CREB5: variants seen among roughly 807,000 people sequenced by gnomAD.
The protein encoded by CREB5 is cAMP responsive element binding protein 5.
In CREB5, 19 loss-of-function variants were observed where a neutral mutation model predicts 57.1. The observed-to-expected ratio is 0.33, with a 90% CI of 0.23 to 0.49. The LOEUF (loss-of-function observed/expected upper bound fraction) is 0.49. Among genes scored for constraint, CREB5 ranks in the 20% least tolerant of loss-of-function variants. The probability of loss-of-function intolerance (pLI) is 0.99; values close to 1 mark genes in which losing one functional copy is unlikely to be tolerated. For synonymous variants in CREB5, 238 were observed against 238.3 expected, an observed-to-expected ratio of 1.00 and a Z score of 0.01; for missense variants, 579 against 671.6, an observed-to-expected ratio of 0.86 and a Z score of 1.52.
intron 9 of CREB5, among the ~76,000 whole-genome samples, chr7:28,816,139 C>G (rs1399286343): frequency 6.6e-6 from 1 of 151,210 alleles, no homozygotes; most frequent in Non-Finnish European, 1.5e-5. Flanking sequence ...TTTTTTTAAC[C>G]AGAGATTGCC....
chr7:28,774,791 G>A (rs1165749575), intron 7 of CREB5, among the ~76,000 whole-genome samples: 1 of 152,208 alleles, frequency 6.6e-6, no homozygotes, highest in African/African-American at 2.4e-5. Context: ...CACTGCGACA[G>A]TATGAGTTGT....
intron 7 of CREB5, among the ~76,000 whole-genome samples, chr7:28,796,975 A>T (rs2299120): frequency 6.6e-6 from 1 of 152,084 alleles, no homozygotes; most frequent in Non-Finnish European, 1.5e-5. Context: ...CACTGAGTCC[A>T]AGAGACGCAG....
At chr7:28,674,442 G>A (rs145131810) in intron 5 of CREB5, among the ~76,000 whole-genome samples, 15 of 152,246 alleles carry the variant, frequency 9.9e-5, no homozygotes, top group East Asian at 1.9e-4. Context: ...CTCCCAGGTC[G>A]CTGGCTAATC....
At chr7:28,410,008 G>A (rs758410622), upstream of CREB5, 6 of 452,780 alleles carry the variant, frequency 1.3e-5, no homozygotes, top group Non-Finnish European at 2.7e-5. Flanking sequence ...CGGAACCCCC[G>A]GAGAAAGTTT....
intron 7 of CREB5, among the ~76,000 whole-genome samples, chr7:28,770,436 G>A (rs1324201918): frequency 6.6e-6 from 1 of 152,154 alleles, no homozygotes; most frequent in Non-Finnish European, 1.5e-5. Context: ...CATCTTTGTT[G>A]GCCAACCCTC....
chr7:28,517,425 G>T (rs1208977998), intron 4 of CREB5, among the ~76,000 whole-genome samples: 2 of 152,166 alleles, frequency 1.3e-5, no homozygotes, highest in Non-Finnish European at 2.9e-5. Context: ...TGCATTTCCA[G>T]CACGTTGGCT....
At chr7:28,299,417 T>C (rs1785062947) in exon 1 of CREB5, 2 of 152,246 alleles carry the variant, frequency 1.3e-5, no homozygotes, top group South Asian at 2.1e-4. Context: ...CTGGCATTCG[T>C]CCCTGTTTCT....
chr7:28,341,003 G>A (rs560422698), intron 1 of CREB5, among the ~76,000 whole-genome samples: 3 of 152,268 alleles, frequency 2.0e-5, no homozygotes, highest in Non-Finnish European at 1.5e-5. Context: ...CTGGGGGATG[G>A]GGAAGGAGTG....
intron 5 of CREB5, among the ~76,000 whole-genome samples, chr7:28,576,896 C>G (rs557234196): frequency 8.8e-4 from 134 of 152,312 alleles, no homozygotes; most frequent in Non-Finnish European, 1.6e-3. Flanking sequence ...AAAAGATAGG[C>G]ACAAATGAGG....
chr7:28,802,462 C>A (rs769222115), intron 7 of CREB5, among the ~76,000 whole-genome samples: 2 of 152,062 alleles, frequency 1.3e-5, no homozygotes, highest in African/African-American at 4.8e-5. Context: ...TAGCTTTGAT[C>A]GTCATTTAAA....
chr7:28,676,237 G>A (rs368113598), intron 5 of CREB5, among the ~76,000 whole-genome samples: 1 of 152,122 alleles, frequency 6.6e-6, no homozygotes, highest in East Asian at 1.9e-4. Flanking sequence ...TCTACACACA[G>A]ATTATTGCAT....
chr7:28,551,954 TTTCTC>T (rs557302578), intron 4 of CREB5, among the ~76,000 whole-genome samples: 7 of 147,450 alleles, frequency 4.7e-5, no homozygotes, highest in Non-Finnish European at 5.9e-5. Flanking sequence ...TTTTTTATTC[TTTCTC>T]TTTTTTATTC....
At chr7:28,459,987 C>T (rs1790283553) in intron 1 of CREB5, among the ~76,000 whole-genome samples, 1 of 152,332 alleles carries the variant, frequency 6.6e-6, no homozygotes, top group Middle Eastern at 3.4e-3. Context: ...TTTCCTACAG[C>T]TGCAGGTCCT....
chr7:28,345,573 A>G (rs1786041932), intron 1 of CREB5, among the ~76,000 whole-genome samples: 1 of 152,144 alleles, frequency 6.6e-6, no homozygotes, highest in South Asian at 2.1e-4. Flanking sequence ...AGAGGTACTG[A>G]GGCAGGGAGT....
intron 1 of CREB5, among the ~76,000 whole-genome samples, chr7:28,458,583 G>A (rs917891006): frequency 2.6e-5 from 4 of 152,148 alleles, no homozygotes; most frequent in African/African-American, 4.8e-5. Context: ...GTCAAGAGAG[G>A]GATCCCAAAG....
At chr7:28,355,734 C>T (rs1331882867) in intron 1 of CREB5, among the ~76,000 whole-genome samples, 3 of 152,154 alleles carry the variant, frequency 2.0e-5, no homozygotes, top group Non-Finnish European at 4.4e-5. Flanking sequence ...TAAAGCTAAT[C>T]CGAATCGACT....
At chr7:28,649,577 C>T (rs1799044128) in intron 5 of CREB5, among the ~76,000 whole-genome samples, 2 of 152,180 alleles carry the variant, frequency 1.3e-5, no homozygotes, top group Admixed American at 1.3e-4. Flanking sequence ...TACTCCAAGC[C>T]ACCAGAGAGT....
chr7:28,589,738 T>A, intron 5 of CREB5, among the ~76,000 whole-genome samples: 1 of 152,226 alleles, frequency 6.6e-6, no homozygotes, highest in East Asian at 1.9e-4. Flanking sequence ...GAAAAAAGAT[T>A]CTGTAATATC....
intron 1 of CREB5, among the ~76,000 whole-genome samples, chr7:28,311,906 G>T (rs1785286018): frequency 6.6e-6 from 1 of 152,156 alleles, no homozygotes; most frequent in South Asian, 2.1e-4. Context: ...CCCTGCGCTG[G>T]TGTGGCTCCT....
Sources: allele counts gnomAD v4.1 joint callset (sites outside exome capture counted in the v4.1 genomes callset), GRCh38; gene constraint gnomAD v4.1.1; transcripts MANE v1.5; gene names NCBI Gene and HGNC (gene_info 2026-07-23, HGNC 2026-07-21).